The following DCLK1 variants were observed in gnomAD, a reference collection of about 807,000 sequenced individuals.
DCLK1 encodes serine/threonine-protein kinase DCLK1.
DCLK1 carries 16 observed loss-of-function variants against 86.2 expected under a neutral mutation model. The observed-to-expected ratio is 0.19, with a 90% CI of 0.13 to 0.28. The LOEUF (loss-of-function observed/expected upper bound fraction) is 0.28, where lower values mean the gene tolerates loss of function less well. Ranked by LOEUF, DCLK1 falls within the 10% of genes least tolerant of loss-of-function variation. The pLI is 1.00. For synonymous variants in DCLK1, 369 were observed against 370.5 expected (o/e 1.00, Z 0.05); for missense variants, 590 against 940.2 (o/e 0.63, Z 4.87).
intron 15 of DCLK1, among the ~76,000 whole-genome samples, chr13:35,795,147 C>T (rs919125128): frequency 3.3e-5 from 5 of 152,098 alleles, no homozygotes; most frequent in Admixed American, 6.6e-5. Context: ...TTACAGCTGA[C>T]GTCATGAGGG....
At chr13:35,906,750 T>C (rs1259029526) in intron 4 of DCLK1, among the ~76,000 whole-genome samples, 1 of 152,164 alleles carries the variant, frequency 6.6e-6, no homozygotes, top group Non-Finnish European at 1.5e-5. Flanking sequence ...TACAATGACA[T>C]GGCCAGGGTG....
At chr13:35,889,275 T>C (rs1026198736) in intron 4 of DCLK1, among the ~76,000 whole-genome samples, 1 of 152,234 alleles carries the variant, frequency 6.6e-6, no homozygotes, top group Non-Finnish European at 1.5e-5. Flanking sequence ...TTCCCTCTTT[T>C]TCTTTAAAAA....
intron 8 of DCLK1, among the ~76,000 whole-genome samples, chr13:35,831,504 T>C (rs1390845257): frequency 6.6e-6 from 1 of 152,174 alleles, no homozygotes; most frequent in Non-Finnish European, 1.5e-5. Context: ...CTCTGAGGAC[T>C]GCTGTGCCTG....
intron 3 of DCLK1, among the ~76,000 whole-genome samples, chr13:35,987,713 C>T (rs952020975): frequency 1.3e-5 from 2 of 152,152 alleles, no homozygotes; most frequent in African/African-American, 2.4e-5. Context: ...ACACCTAACC[C>T]GCCCTGAGTA....
intron 3 of DCLK1, among the ~76,000 whole-genome samples, chr13:35,966,747 C>T (rs1878761803): frequency 6.6e-6 from 1 of 152,128 alleles, no homozygotes; most frequent in Non-Finnish European, 1.5e-5. Context: ...CGCGAGTGAT[C>T]TGCCAGCCTC....
At chr13:35,825,593 G>T (rs900691231) in intron 10 of DCLK1, among the ~76,000 whole-genome samples, 26 of 151,816 alleles carry the variant, frequency 1.7e-4, no homozygotes, top group Non-Finnish European at 3.5e-4. Context: ...CAACAGTGGG[G>T]GTAAGTCAAT....
chr13:35,979,660 C>A (rs550540569), intron 3 of DCLK1, among the ~76,000 whole-genome samples: 1 of 152,190 alleles, frequency 6.6e-6, no homozygotes, highest in Admixed American at 6.5e-5. Flanking sequence ...TGATTCACTG[C>A]GAACAAATCC....
At chr13:35,822,286 T>C (rs1024487075) in intron 11 of DCLK1, among the ~76,000 whole-genome samples, 13 of 152,086 alleles carry the variant, frequency 8.5e-5, no homozygotes, top group African/African-American at 2.9e-4. Context: ...CCTGAGTAGC[T>C]GGGACTACAG....
At chr13:35,788,748 C>T (rs984031842) in intron 16 of DCLK1, among the ~76,000 whole-genome samples, 2 of 152,116 alleles carry the variant, frequency 1.3e-5, no homozygotes, top group African/African-American at 4.8e-5. Flanking sequence ...TTTGAAACCT[C>T]ATCAATTACA....
At chr13:35,817,622 T>C (rs1481745656) in intron 11 of DCLK1, among the ~76,000 whole-genome samples, 2 of 152,164 alleles carry the variant, frequency 1.3e-5, no homozygotes, top group Non-Finnish European at 2.9e-5. Flanking sequence ...CTATATTTGA[T>C]GAGAATCACC....
At chr13:35,937,702 C>T (rs1876841545) in intron 4 of DCLK1, among the ~76,000 whole-genome samples, 1 of 152,084 alleles carries the variant, frequency 6.6e-6, no homozygotes, top group African/African-American at 2.4e-5. Context: ...ACATAAACCT[C>T]AAAGGATGGG....
At chr13:36,052,218 T>C (rs1481187776) in intron 3 of DCLK1, among the ~76,000 whole-genome samples, 4 of 152,236 alleles carry the variant, frequency 2.6e-5, no homozygotes, top group African/African-American at 7.2e-5. Context: ...CCTTTTGAGA[T>C]GTTTCCTTTT....
chr13:35,937,567 A>T (rs868740699), intron 4 of DCLK1, among the ~76,000 whole-genome samples: 3 of 152,170 alleles, frequency 2.0e-5, no homozygotes, highest in African/African-American at 7.2e-5. Flanking sequence ...ATGTAGGACT[A>T]GATATGATGA....
At chr13:36,024,653 A>G (rs906201559) in intron 3 of DCLK1, among the ~76,000 whole-genome samples, 1 of 152,142 alleles carries the variant, frequency 6.6e-6, no homozygotes, top group African/African-American at 2.4e-5. Context: ...GATGGCAATA[A>G]CCCCTTCCAA....
intron 3 of DCLK1, among the ~76,000 whole-genome samples, chr13:35,965,051 G>A (rs1297113320): frequency 3.3e-5 from 5 of 152,120 alleles, no homozygotes; most frequent in African/African-American, 1.2e-4. Flanking sequence ...AACTTAAGTT[G>A]CTCTAACATG....
rs980342319 is a variant in DCLK1, at chr13:35,828,429, G to A, written c.1230-122C>T. On this transcript the variant is annotated intron_variant, in intron 8 of 16. Transcript: ENST00000360631. ...ATCATGTTGTAAATATTTTGTGAAA[G>A]GATTTCCTTTCCTTTTTTAAAAAAA... 8.9e-6 allele frequency: 7 copies of A among 788,350 alleles called. No homozygotes were observed. In the African/African-American group the frequency reaches 1.2e-4, roughly 14 times the overall value. The allele number at this position is 788,350 out of a possible 1,614,324, so 48.8% of individuals were successfully genotyped here.
intron 3 of DCLK1, among the ~76,000 whole-genome samples, chr13:36,106,741 C>A (rs575654305): frequency 2.6e-5 from 4 of 152,252 alleles, no homozygotes; most frequent in African/African-American, 7.2e-5. Flanking sequence ...CCAAATAAAT[C>A]CTATCAGATT....
chr13:35,907,789 C>G (rs1874768151), intron 4 of DCLK1, among the ~76,000 whole-genome samples: 1 of 148,456 alleles, frequency 6.7e-6, no homozygotes, highest in African/African-American at 2.5e-5. Flanking sequence ...GTCTTGTGAA[C>G]TATCCTCAGA....
intron 4 of DCLK1, among the ~76,000 whole-genome samples, chr13:35,879,867 G>A (rs1035585418): frequency 3.9e-5 from 6 of 152,004 alleles, no homozygotes; most frequent in Non-Finnish European, 8.8e-5. Flanking sequence ...CCCACTAGAT[G>A]CCAGTGCCAC....
Sources: gnomAD v4.1 joint callset for allele counts (sites outside exome capture counted in the v4.1 genomes callset) on GRCh38, gnomAD v4.1.1 for gene constraint, MANE v1.5 for transcripts, NCBI Gene and HGNC (gene_info 2026-07-23, HGNC 2026-07-21) for gene names.